The following SF3A1 variants were observed in gnomAD, a reference collection of about 807,000 sequenced individuals.
The protein encoded by SF3A1 is SAP 114.
SF3A1 carries 13 observed loss-of-function variants against 89.9 expected under a neutral mutation model. The observed-to-expected ratio is 0.14, with a 90% CI of 0.09 to 0.23. The LOEUF (loss-of-function observed/expected upper bound fraction) is 0.23, where lower values mean the gene tolerates loss of function less well. Ranked by LOEUF, SF3A1 falls within the 10% of genes least tolerant of loss-of-function variation. SF3A1 has a pLI of 1.00. For missense variants in SF3A1, 604 were observed against 1,022.1 expected (o/e 0.59, Z 5.58); for synonymous variants, 405 against 374.4 (o/e 1.08, Z -0.94).
rs571212893 is a variant in SF3A1 at position 30,340,303 on chromosome 22, C to T, written c.1268G>A (p.Ser423Asn). 2 of 1,612,994 alleles carry T rather than the reference C, an allele frequency of 1.2e-6. No homozygotes were observed. Among genetic ancestry groups the T allele is most frequent in the South Asian group, 2.2e-5 (2 of 90,920 alleles). The change falls in exon 9 of 16, where the codon AGC (serine) becomes AAC (asparagine). Residue 423 changes from serine to asparagine, a missense_variant. Around this residue, in one of 9 missense-constraint regions of SF3A1, gnomAD observed 146 missense variants for 228.5 expected, o/e 0.64. Transcript: ENST00000215793. Reference protein sequence around the residue: ...SPITGEKIPASKMQEHMRIGL... With the variant: ...SPITGEKIPANKMQEHMRIGL... Reference sequence around the variant, plus strand: ...AATGCGCATGTGTTCCTGCATTTTGCTGGCGGGGATCTTCTCCCCAGTAAT... The same window carrying T: ...AATGCGCATGTGTTCCTGCATTTTGTTGGCGGGGATCTTCTCCCCAGTAAT...
chr22:30,340,500 G>T, intron 8 of SF3A1, 119 bp from the exon 9 acceptor site: 2 of 1,095,924 alleles, frequency 1.8e-6, no homozygotes, highest in Admixed American at 2.1e-5. Flanking sequence ...TCTTGTACCT[G>T]GCACTGTGAA....
At chr22:30,337,933 CA>C in intron 11 of SF3A1, 36 bp from the exon 12 acceptor site, 1 of 1,473,746 alleles carries the variant, frequency 6.8e-7, no homozygotes, top group Non-Finnish European at 9.4e-7. Context: ...TACAGGAAGC[CA>C]AAGTTGGACT....
chr22:30,340,412 A>G (rs774989649), intron 8 of SF3A1, 31 bp from the exon 9 acceptor site: 1 of 1,605,908 alleles, frequency 6.2e-7, no homozygotes, highest in South Asian at 1.1e-5. Flanking sequence ...CAGTAAGAAC[A>G]CTGGTGGGCA....
chr22:30,346,445 T>A lies in SF3A1; in HGVS notation c.260A>T (p.Asn87Ile). 1.2e-6 allele frequency: 2 copies of A among 1,614,110 alleles called. No homozygotes were observed. The highest frequency in any genetic ancestry group is 1.1e-5 in the South Asian group (1 of 91,070). Residue 87 changes from asparagine to isoleucine, a missense_variant, in exon 3 of 16, where the codon AAT becomes ATT. Coordinates refer to ENST00000215793, the MANE Select transcript of SF3A1 (RefSeq NM_005877.6). ...NNPKFNFLNP[N>I]DPYHAYYRHK... Reference sequence around the variant, plus strand: ...GCGGTAGTAGGCATGGTAAGGGTCATTGGGGTTCAGAAAGTTGAACTTGGG... The same window carrying A: ...GCGGTAGTAGGCATGGTAAGGGTCAATGGGGTTCAGAAAGTTGAACTTGGG...
chr22:30,351,255 C>T (rs1190932517), intron 2 of SF3A1, among the ~76,000 whole-genome samples: 4 of 151,572 alleles, frequency 2.6e-5, no homozygotes, highest in Admixed American at 2.6e-4. Flanking sequence ...GTTGAGACTG[C>T]ACCACTGCAC....
chr22:30,356,601 A>C, intron 1 of SF3A1, 129 bp downstream of exon 1: 22 of 651,330 alleles, frequency 3.4e-5, no homozygotes, highest in Non-Finnish European at 4.5e-5. Context: ...ATAGCGCGGG[A>C]AGCGCGCAGC....
At chr22:30,353,640 G>A (rs112656538) in intron 1 of SF3A1, among the ~76,000 whole-genome samples, 1,632 of 152,232 alleles carry the variant, frequency 0.011, 31 homozygotes, top group African/African-American at 0.037. Flanking sequence ...CGTTCCTCAC[G>A]CTTACTTGAT....
intron 2 of SF3A1, among the ~76,000 whole-genome samples, chr22:30,347,619 G>C (rs576165182): frequency 6.6e-6 from 1 of 152,280 alleles, no homozygotes; most frequent in Non-Finnish European, 1.5e-5. Flanking sequence ...TGTCCCAACA[G>C]TAATATTCAA....
At position 30,334,695 on chromosome 22, in the gene SF3A1, C is replaced by T; in HGVS notation, c.2281G>A (p.Gly761Ser). The T allele has an allele frequency of 6.3e-7, 1 of 1,596,892 alleles. No individual in the cohort carries two copies. Among genetic ancestry groups the T allele is most frequent in the Non-Finnish European group, 8.5e-7 (1 of 1,172,814 alleles). ...GAGTTGGAATCTTTGATGAAGATACCCTGGAAAACAGACAGCGTGCCTTAG... is the reference window on the plus strand; with the variant it reads ...GAGTTGGAATCTTTGATGAAGATACTCTGGAAAACAGACAGCGTGCCTTAG... Reference protein sequence around the residue: ...PAGKQKLQYEGIFIKDSNSLA... With the variant: ...PAGKQKLQYESIFIKDSNSLA... Residue 761 changes from glycine (G) to serine (S), a missense_variant and splice_region_variant, in exon 16 of 16, where the codon GGT becomes AGT. Around this residue, in one of 9 missense-constraint regions of SF3A1, gnomAD observed 74 missense variants for 141.3 expected, o/e 0.52. Transcript: ENST00000215793.
intron 8 of SF3A1, 146 bp downstream of exon 8, chr22:30,340,549 A>G: frequency 1.2e-6 from 1 of 852,628 alleles, no homozygotes; most frequent in South Asian, 1.5e-5. Context: ...CCCTGTTCCC[A>G]CCATGAAACC....
rs1448780079 is a variant in SF3A1 at position 30,339,254 on chromosome 22, G to A, written c.1376-3C>T. The A allele has an allele frequency of 1.2e-6, 2 of 1,613,560 alleles. No homozygotes were observed. Among genetic ancestry groups the A allele is most frequent in the Non-Finnish European group, 1.7e-6 (2 of 1,180,036 alleles). On this transcript the variant is annotated splice_polypyrimidine_tract_variant and splice_region_variant and intron_variant, in intron 9 of 15. Transcript: ENST00000215793. ...CAAGCTGCTCTCAATATCCAGACCT[G>A]TACAGTCACAAAACAGAGGCAGAGG... is the stretch of plus-strand genomic sequence containing the variant.
chr22:30,352,676 T>G (rs1283155391), intron 2 of SF3A1: 1 of 321,354 alleles, frequency 3.1e-6, no homozygotes, highest in Non-Finnish European at 5.9e-6. Flanking sequence ...ACACCATCTG[T>G]GATGAAGCAG....
At position 30,344,533 on chromosome 22, in the gene SF3A1, G is replaced by C. The variant is rs140539249; in HGVS notation, c.651+400C>G. 2.7e-3 allele frequency among the ~76,000 whole-genome samples: 416 copies of C among 152,238 alleles called. 2 individuals are homozygous for C. Among genetic ancestry groups the C allele is most frequent in the African/African-American group, 8.9e-3 (368 of 41,528 alleles). On this transcript the variant is annotated intron_variant, in intron 4 of 15. Coordinates refer to ENST00000215793, the MANE Select transcript of SF3A1 (RefSeq NM_005877.6). ...GCCTGTTTCTGCTTCTCAAACATGG[G>C]GGGAAAACACCTCATGGCTTCTTGT...
intron 2 of SF3A1, among the ~76,000 whole-genome samples, chr22:30,349,015 G>A (rs144644276): frequency 6.6e-6 from 1 of 152,336 alleles, no homozygotes; most frequent in African/African-American, 2.4e-5. Context: ...GATTTCAACA[G>A]AAAAAGACAT....
At chr22:30,338,137 T>G (rs1463978060) in intron 11 of SF3A1, among the ~76,000 whole-genome samples, 1 of 152,104 alleles carries the variant, frequency 6.6e-6, no homozygotes, top group Non-Finnish European at 1.5e-5. Context: ...CCTGCTACTT[T>G]GGCAAACACT....
intron 2 of SF3A1, among the ~76,000 whole-genome samples, chr22:30,350,752 A>G (rs1295755114): frequency 3.9e-5 from 6 of 152,240 alleles, no homozygotes; most frequent in Non-Finnish European, 8.8e-5. Context: ...TAATGAGAAT[A>G]TGGTGATTCT....
At chr22:30,335,581 A>G (rs1931039668) in intron 14 of SF3A1, 43 bp from the exon 15 acceptor site, 3 of 1,612,574 alleles carry the variant, frequency 1.9e-6, no homozygotes, top group Non-Finnish European at 2.5e-6. Context: ...TGGTAAGGCC[A>G]GCTAGAGGAA....
chr22:30,345,856 G>C (rs899266690), intron 3 of SF3A1, among the ~76,000 whole-genome samples: 1 of 152,124 alleles, frequency 6.6e-6, no homozygotes, highest in Non-Finnish European at 1.5e-5. Context: ...AGGGAAGGTG[G>C]TATCAGGGGA....
At chr22:30,340,647 A>T (rs1458645015) in intron 8 of SF3A1, 48 bp downstream of exon 8, 1 of 1,200,596 alleles carries the variant, frequency 8.3e-7, no homozygotes, top group Non-Finnish European at 1.2e-6. Flanking sequence ...ATGAGGGCAC[A>T]CAGGACTTCC....
Sources: allele counts gnomAD v4.1 joint callset (sites outside exome capture counted in the v4.1 genomes callset), GRCh38; gene constraint gnomAD v4.1.1; regional missense constraint gnomAD v4.1.1; transcripts MANE v1.5; gene names NCBI Gene and HGNC (gene_info 2026-07-23, HGNC 2026-07-21).